Variants in MGAT4D observed in about 807,000 individuals in gnomAD.
MGAT4D encodes the protein MGAT4 family member D.
A neutral mutation model predicts 15.9 loss-of-function variants in MGAT4D; 34 were observed. The observed-to-expected ratio is 2.14, with a 90% CI of 1.62 to 2.84. The LOEUF (loss-of-function observed/expected upper bound fraction) is 2.84, where lower values mean the gene tolerates loss of function less well. MGAT4D is among the 30% of genes most tolerant of loss of function. MGAT4D has a pLI of 0.00. For synonymous variants in MGAT4D, 112 were observed against 48.2 expected, an observed-to-expected ratio of 2.33 and a Z score of -5.49; for missense variants, 327 against 140.2, an observed-to-expected ratio of 2.33 and a Z score of -6.73.
intron 6 of MGAT4D, among the ~76,000 whole-genome samples, chr4:140,464,385 A>C (rs1033907823): frequency 2.0e-5 from 3 of 152,218 alleles, no homozygotes; most frequent in Non-Finnish European, 4.4e-5. Flanking sequence ...TTTTATTCTC[A>C]TAATGACTCT....
At chr4:140,471,205 C>G (rs948475191) in intron 5 of MGAT4D, among the ~76,000 whole-genome samples, 2 of 151,902 alleles carry the variant, frequency 1.3e-5, no homozygotes, top group Non-Finnish European at 2.9e-5. Context: ...CTTTTCCTTT[C>G]GTTTCTCCTT....
chr4:140,460,180 C>A (rs1238735363), intron 7 of MGAT4D, among the ~76,000 whole-genome samples: 1 of 152,238 alleles, frequency 6.6e-6, no homozygotes, highest in Non-Finnish European at 1.5e-5. Context: ...TCTAAATCCA[C>A]TTTCATCCTC....
chr4:140,444,717 T>A (rs1482225776), intron 10 of MGAT4D, among the ~76,000 whole-genome samples: 1 of 152,200 alleles, frequency 6.6e-6, no homozygotes, highest in African/African-American at 2.4e-5. Context: ...TGTATTCCTT[T>A]GGGTATATAC....
At chr4:140,471,647 T>C (rs1731966016) in intron 5 of MGAT4D, 128 bp downstream of exon 5, 1 of 268,008 alleles carries the variant, frequency 3.7e-6, no homozygotes, top group East Asian at 7.1e-5. Flanking sequence ...GACTACAGGT[T>C]CTTTCTGCCA....
At chr4:140,471,466 A>C (rs1731955363) in intron 5 of MGAT4D, among the ~76,000 whole-genome samples, 1 of 152,166 alleles carries the variant, frequency 6.6e-6, no homozygotes. Context: ...AAGTAACTTC[A>C]TACAGTAAAG....
At chr4:140,479,907 C>T (rs997374306) in intron 2 of MGAT4D, among the ~76,000 whole-genome samples, 2 of 151,972 alleles carry the variant, frequency 1.3e-5, no homozygotes, top group African/African-American at 4.8e-5. Flanking sequence ...AAAAGTATAA[C>T]TGAAACATGC....
intron 7 of MGAT4D, among the ~76,000 whole-genome samples, chr4:140,461,201 A>C (rs1489014189): frequency 6.6e-6 from 1 of 152,212 alleles, no homozygotes; most frequent in Non-Finnish European, 1.5e-5. Context: ...GGAAGAGTAC[A>C]TTGGCTGGAT....
intron 9 of MGAT4D, among the ~76,000 whole-genome samples, chr4:140,454,556 G>T (rs1156836190): frequency 6.6e-6 from 1 of 152,078 alleles, no homozygotes; most frequent in Non-Finnish European, 1.5e-5. Context: ...TGTGGCCTTG[G>T]TTTCCCTTTT....
At chr4:140,459,691 G>GCTTGAAAA (rs1428369881) in intron 7 of MGAT4D, 65 bp from the exon 8 acceptor site, 67 of 356,558 alleles carry the variant, frequency 1.9e-4, no homozygotes, top group African/African-American at 1.1e-3. Context: ...AGCTATATTA[G>GCTTGAAAA]CTTGAAAATA....
chr4:140,475,117 C>A (rs897944588), intron 3 of MGAT4D, among the ~76,000 whole-genome samples, 171 bp from the exon 4 acceptor site: 3 of 152,130 alleles, frequency 2.0e-5, no homozygotes, highest in Admixed American at 6.5e-5. Flanking sequence ...TCACATATTT[C>A]ATTTTCTTTT....
At chr4:140,479,199 G>A (rs1021208294) in intron 3 of MGAT4D, among the ~76,000 whole-genome samples, 2 of 152,150 alleles carry the variant, frequency 1.3e-5, no homozygotes, top group Non-Finnish European at 2.9e-5. Flanking sequence ...CAAAAACAAC[G>A]AGAAAAGATT....
chr4:140,462,243 T>A (rs1447601299), intron 6 of MGAT4D, among the ~76,000 whole-genome samples: 3 of 152,188 alleles, frequency 2.0e-5, no homozygotes, highest in Non-Finnish European at 4.4e-5. Context: ...CACAACCCAT[T>A]TGTTTTACAT....
intron 6 of MGAT4D, among the ~76,000 whole-genome samples, chr4:140,464,592 A>G (rs920482673): frequency 6.6e-6 from 1 of 152,350 alleles, no homozygotes; most frequent in South Asian, 2.1e-4. Flanking sequence ...AAATGTGAAC[A>G]TAGACCATCA....
intron 4 of MGAT4D, among the ~76,000 whole-genome samples, chr4:140,473,318 A>G (rs1732097310): frequency 6.6e-6 from 1 of 152,048 alleles, no homozygotes; most frequent in Non-Finnish European, 1.5e-5. Flanking sequence ...TGCATTGTGG[A>G]GATATATAGC....
At chr4:140,492,523 G>A (rs1733567559) in intron 1 of MGAT4D, among the ~76,000 whole-genome samples, 1 of 152,022 alleles carries the variant, frequency 6.6e-6, no homozygotes, top group Non-Finnish European at 1.5e-5. Context: ...AGCTACTCAG[G>A]AGGCTGAGGC....
intron 3 of MGAT4D, among the ~76,000 whole-genome samples, chr4:140,475,996 C>G (rs528840145): frequency 4.6e-5 from 7 of 151,620 alleles, no homozygotes; most frequent in Non-Finnish European, 1.0e-4. Flanking sequence ...AGTTTTAGTA[C>G]AGACAGGTTT....
At chr4:140,460,132 A>G (rs1008920607) in intron 7 of MGAT4D, among the ~76,000 whole-genome samples, 1 of 152,162 alleles carries the variant, frequency 6.6e-6, no homozygotes, top group African/African-American at 2.4e-5. Context: ...TAAATACTAA[A>G]CATTCCATCT....
At chr4:140,458,598 A>G (rs1252381751) in intron 8 of MGAT4D, 1 of 152,214 alleles carries the variant, frequency 6.6e-6, no homozygotes, top group Non-Finnish European at 1.5e-5. Flanking sequence ...GAATGCATAA[A>G]TTTCAGTGAC....
chr4:140,464,890 A>T lies in MGAT4D; in HGVS notation c.686+6T>A, dbSNP rs1260309002. ...TTTAAGGCTACTATTTTCTAATATG[A>T]CATACCTGGCTAATTTTTGTGAGGC... On this transcript the variant is annotated splice_donor_region_variant and intron_variant, in intron 6 of 10. Transcript: ENST00000511113. The T allele has an allele frequency of 1.4e-6, 1 of 701,950 alleles. No homozygotes were observed. The highest frequency in any genetic ancestry group is 1.7e-5 in the African/African-American group (1 of 57,186). 43.5% of individuals were successfully genotyped at this position (701,950 alleles called of 1,614,324 possible). A position where few individuals can be genotyped will look rare whatever the true frequency, so the allele number is the denominator to read the frequency against.
Sources: allele counts gnomAD v4.1 joint callset (sites outside exome capture counted in the v4.1 genomes callset), GRCh38; gene constraint gnomAD v4.1.1; transcripts MANE v1.5; gene names NCBI Gene and HGNC (gene_info 2026-07-23, HGNC 2026-07-21).